DSCAM: variants seen among roughly 807,000 people sequenced by gnomAD.
The protein encoded by DSCAM is DS cell adhesion molecule.
Under a neutral mutation model 217.7 loss-of-function variants are expected in DSCAM, and 47 were observed. The observed-to-expected ratio is 0.22, with a 90% CI of 0.17 to 0.28. The LOEUF is 0.28. DSCAM is among the 10% of genes least tolerant of loss of function. The probability of loss-of-function intolerance (pLI) is 1.00; values close to 1 mark genes in which losing one functional copy is unlikely to be tolerated. For synonymous variants in DSCAM, 1,056 were observed against 1,015.3 expected, an observed-to-expected ratio of 1.04 and a Z score of -0.76; for missense variants, 2,080 against 2,618.3, an observed-to-expected ratio of 0.79 and a Z score of 4.49.
At chr21:40,616,970 T>A (rs1378705251) in intron 3 of DSCAM, among the ~76,000 whole-genome samples, 3 of 107,688 alleles carry the variant, frequency 2.8e-5, no homozygotes, top group Non-Finnish European at 5.4e-5. Context: ...TGAGCCGAGA[T>A]CCCGCCACTG....
At chr21:40,800,710 A>C (rs972599671) in intron 1 of DSCAM, among the ~76,000 whole-genome samples, 3 of 141,350 alleles carry the variant, frequency 2.1e-5, no homozygotes, top group Admixed American at 7.3e-5. Flanking sequence ...CTTCTTTCTT[A>C]CTTTCTTTTT....
chr21:40,055,874 C>T (rs746514289), intron 28 of DSCAM, 34 bp from the exon 29 acceptor site: 3 of 1,522,478 alleles, frequency 2.0e-6, no homozygotes, highest in South Asian at 1.1e-5. Flanking sequence ...ATTAACAAAT[C>T]CAGTTCAGTG....
chr21:40,425,733 C>CT (rs1184523995), intron 3 of DSCAM, among the ~76,000 whole-genome samples: 4 of 149,968 alleles, frequency 2.7e-5, no homozygotes, highest in South Asian at 2.1e-4. Context: ...AAAAATACAG[C>CT]TTTTTTTCTG....
chr21:40,739,949 G>A (rs1434303006), intron 1 of DSCAM, among the ~76,000 whole-genome samples: 2 of 133,048 alleles, frequency 1.5e-5, no homozygotes, highest in African/African-American at 5.8e-5. Flanking sequence ...GATGATGCAG[G>A]TGTAATTTTT....
intron 4 of DSCAM, among the ~76,000 whole-genome samples, chr21:40,358,397 T>C (rs967368556): frequency 1.3e-5 from 2 of 152,080 alleles, no homozygotes; most frequent in South Asian, 2.1e-4. Flanking sequence ...GCTAAAACTA[T>C]AAAAACTTTT....
At chr21:40,277,062 G>A (rs1208500823) in intron 10 of DSCAM, among the ~76,000 whole-genome samples, 1 of 152,126 alleles carries the variant, frequency 6.6e-6, no homozygotes, top group Non-Finnish European at 1.5e-5. Flanking sequence ...AACCTGCCAT[G>A]CTGCCTGCTT....
chr21:40,197,142 G>A (rs544979609), intron 11 of DSCAM, among the ~76,000 whole-genome samples: 4 of 151,432 alleles, frequency 2.6e-5, no homozygotes, highest in East Asian at 1.9e-4. Flanking sequence ...TTTTTGAGAC[G>A]GAGTCTTGCT....
intron 3 of DSCAM, among the ~76,000 whole-genome samples, chr21:40,605,247 G>GC (rs1258105570): frequency 6.6e-6 from 1 of 152,134 alleles, no homozygotes; most frequent in Non-Finnish European, 1.5e-5. Context: ...GCAAGCTTCT[G>GC]CCCCCTGTAA....
At chr21:40,067,058 C>G (rs1043742277) in intron 27 of DSCAM, among the ~76,000 whole-genome samples, 2 of 152,202 alleles carry the variant, frequency 1.3e-5, no homozygotes, top group South Asian at 4.1e-4. Context: ...ACCTACCAAA[C>G]ATCAGGGCTT....
chr21:40,251,386 C>A (rs1488443969), intron 11 of DSCAM, among the ~76,000 whole-genome samples: 1 of 152,120 alleles, frequency 6.6e-6, no homozygotes, highest in Non-Finnish European at 1.5e-5. Flanking sequence ...AGATTTATCA[C>A]TATATTAATT....
chr21:40,433,242 G>A (rs144640048), intron 3 of DSCAM, among the ~76,000 whole-genome samples: 5 of 151,874 alleles, frequency 3.3e-5, no homozygotes, highest in Non-Finnish European at 5.9e-5. Context: ...CCAGCTACGC[G>A]GGAGGCTGAG....
At chr21:40,732,955 T>C (rs1447740856) in intron 1 of DSCAM, among the ~76,000 whole-genome samples, 1 of 152,232 alleles carries the variant, frequency 6.6e-6, no homozygotes, top group African/African-American at 2.4e-5. Context: ...ATAAAGTGAT[T>C]TGAGGCAATT....
At chr21:40,496,464 T>C (rs2076119334) in intron 3 of DSCAM, among the ~76,000 whole-genome samples, 1 of 152,022 alleles carries the variant, frequency 6.6e-6, no homozygotes, top group African/African-American at 2.4e-5. Flanking sequence ...GAAAACAATA[T>C]CCACATGCAG....
At chr21:40,039,997 G>A (rs1051951400) in intron 32 of DSCAM, among the ~76,000 whole-genome samples, 1 of 152,218 alleles carries the variant, frequency 6.6e-6, no homozygotes, top group Non-Finnish European at 1.5e-5. Flanking sequence ...TCTAGGAGCT[G>A]CTAATTGTAT....
At chr21:40,067,609 A>G (rs2089226337) in intron 27 of DSCAM, among the ~76,000 whole-genome samples, 1 of 152,126 alleles carries the variant, frequency 6.6e-6, no homozygotes, top group Non-Finnish European at 1.5e-5. Flanking sequence ...ACCTCCACAT[A>G]ATGGCTAATA....
chr21:40,020,481 C>T (rs994926930), intron 32 of DSCAM, among the ~76,000 whole-genome samples: 5 of 151,798 alleles, frequency 3.3e-5, no homozygotes, highest in African/African-American at 4.8e-5. Flanking sequence ...TGCAATAAGA[C>T]AGCAAGCAGG....
intron 3 of DSCAM, among the ~76,000 whole-genome samples, chr21:40,561,678 T>G (rs2076721376): frequency 6.6e-6 from 1 of 152,228 alleles, no homozygotes; most frequent in African/African-American, 2.4e-5. Context: ...TTCTCTTTCC[T>G]TTTTTGTTTC....
At chr21:40,359,882 C>T (rs2074738880) in intron 4 of DSCAM, among the ~76,000 whole-genome samples, 1 of 152,034 alleles carries the variant, frequency 6.6e-6, no homozygotes, top group Non-Finnish European at 1.5e-5. Context: ...TGGCACGACT[C>T]CATGCATTTA....
chr21:40,396,426 C>A (rs1021634240), intron 3 of DSCAM, among the ~76,000 whole-genome samples: 2 of 152,132 alleles, frequency 1.3e-5, no homozygotes, highest in Non-Finnish European at 2.9e-5. Flanking sequence ...TTTCCCAACA[C>A]AAGGAGGCTG....
Sources: gnomAD v4.1 joint callset for allele counts (sites outside exome capture counted in the v4.1 genomes callset) on GRCh38, gnomAD v4.1.1 for gene constraint, MANE v1.5 for transcripts, NCBI Gene and HGNC (gene_info 2026-07-23, HGNC 2026-07-21) for gene names.